TAS2R1: variants seen among roughly 807,000 people sequenced by gnomAD.
TAS2R1 encodes the protein taste receptor type 2 member 1.
For missense variants in TAS2R1, 370 were observed against 353.4 expected, an observed-to-expected ratio of 1.05 and a Z score of -0.38; for synonymous variants, 141 against 134.2, an observed-to-expected ratio of 1.05 and a Z score of -0.35.
At chr5:9,844,240 C>T in the TAS2R1 span, among the ~76,000 whole-genome samples, 10 of 152,086 alleles carry the variant, frequency 6.6e-5, no homozygotes, top group African/African-American at 2.4e-4. Context: ...TAGCCTCTTC[C>T]CAGATTAAAA....
At chr5:9,798,580 C>T in the TAS2R1 span, among the ~76,000 whole-genome samples, 1 of 152,116 alleles carries the variant, frequency 6.6e-6, no homozygotes, top group African/African-American at 2.4e-5. Context: ...ACTCAGTTTC[C>T]CCATCTGTAA....
the TAS2R1 span, among the ~76,000 whole-genome samples, chr5:9,724,987 A>T: frequency 6.6e-6 from 1 of 152,352 alleles, no homozygotes; most frequent in East Asian, 1.9e-4. Flanking sequence ...TTTGAAACAC[A>T]TTGGTGCTGT....
the TAS2R1 span, among the ~76,000 whole-genome samples, chr5:9,747,748 G>C: frequency 6.6e-6 from 1 of 151,604 alleles, no homozygotes; most frequent in Non-Finnish European, 1.5e-5. Flanking sequence ...AAACAAGTGG[G>C]ACACCTCTTT....
the TAS2R1 span, among the ~76,000 whole-genome samples, chr5:9,784,673 C>T: frequency 6.6e-5 from 10 of 152,300 alleles, no homozygotes; most frequent in East Asian, 1.9e-4. Flanking sequence ...TCAGGGTGTC[C>T]GCAGGGCCCC....
rs1459132806 is a variant in TAS2R1, at chr5:9,659,600, G to C, written c.-241-19C>G. ...AGGTCTACTGCAGTATGAGAAACAG[G>C]GGAGGGAAATGTTAGCTATTTAAAG... On this transcript the variant is annotated intron_variant, in intron 1 of 2. Coordinates refer to the TAS2R1 transcript ENST00000506620. The C allele has an allele frequency of 2.0e-5, 3 of 151,448 alleles. No homozygotes were observed. In the Admixed American group the frequency reaches 2.0e-4, roughly 10 times the overall value. 9.4% of individuals were successfully genotyped at this position (151,448 alleles called of 1,614,324 possible). A position where few individuals can be genotyped will look rare whatever the true frequency, so the allele number is the denominator to read the frequency against.
intron 2 of TAS2R1, among the ~76,000 whole-genome samples, chr5:9,646,664 G>A (rs1225410604): frequency 6.6e-6 from 1 of 152,276 alleles, no homozygotes; most frequent in East Asian, 1.9e-4. Context: ...CCTGGGTCTT[G>A]CTGCTGCCTC....
At chr5:9,800,785 T>C in the TAS2R1 span, among the ~76,000 whole-genome samples, 1 of 152,206 alleles carries the variant, frequency 6.6e-6, no homozygotes, top group Non-Finnish European at 1.5e-5. Flanking sequence ...AAAATTCATA[T>C]TTTGAAGCCC....
the TAS2R1 span, among the ~76,000 whole-genome samples, chr5:9,834,271 A>T: frequency 5.9e-5 from 9 of 152,344 alleles, no homozygotes; most frequent in East Asian, 1.7e-3. Flanking sequence ...TTTCCTCAAC[A>T]TCCTGTTTCC....
At chr5:9,708,747 T>C (rs1741673879) in intron 1 of TAS2R1, among the ~76,000 whole-genome samples, 1 of 152,192 alleles carries the variant, frequency 6.6e-6, no homozygotes, top group Admixed American at 6.5e-5. Context: ...AGAAATGCTT[T>C]CCGGAGAAAG....
chr5:9,692,995 C>T (rs184341667), intron 1 of TAS2R1, among the ~76,000 whole-genome samples: 6 of 152,222 alleles, frequency 3.9e-5, no homozygotes, highest in African/African-American at 9.6e-5. Context: ...CTCCTCTCCT[C>T]TCCCATCAGA....
At chr5:9,888,898 T>C in the TAS2R1 span, among the ~76,000 whole-genome samples, 1 of 151,984 alleles carries the variant, frequency 6.6e-6, no homozygotes, top group East Asian at 1.9e-4. Flanking sequence ...GAAGGGAAAT[T>C]AGGTGAATGT....
chr5:9,713,796 TTGG>T (rs1734750343), upstream of TAS2R1: 1 of 152,162 alleles, frequency 6.6e-6, no homozygotes, highest in African/African-American at 2.4e-5. Context: ...ATCTTTCTGG[TTGG>T]TGGTTTATGG....
intron 2 of TAS2R1, among the ~76,000 whole-genome samples, chr5:9,653,393 A>C (rs1740347334): frequency 6.6e-6 from 1 of 152,022 alleles, no homozygotes; most frequent in East Asian, 1.9e-4. Context: ...TATAGACCAC[A>C]TTTTGCTTAT....
At chr5:9,769,097 C>T in the TAS2R1 span, among the ~76,000 whole-genome samples, 4 of 152,194 alleles carry the variant, frequency 2.6e-5, no homozygotes, top group African/African-American at 7.2e-5. Flanking sequence ...CCTCTGGTAA[C>T]AATCATTCTA....
intron 1 of TAS2R1, among the ~76,000 whole-genome samples, chr5:9,693,858 TAGC>T (rs1206614479): frequency 6.6e-6 from 1 of 152,214 alleles, no homozygotes. Flanking sequence ...GGTTGTTACA[TAGC>T]AGTTTAAATA....
chr5:9,752,897 C>T, the TAS2R1 span, among the ~76,000 whole-genome samples: 1 of 152,174 alleles, frequency 6.6e-6, no homozygotes, highest in African/African-American at 2.4e-5. Flanking sequence ...TTCATGGCTG[C>T]ATAGTATTCC....
At chr5:9,861,037 G>GTTTTTTTTTTTTTGTTTTTT in the TAS2R1 span, among the ~76,000 whole-genome samples, 2 of 88,612 alleles carry the variant, frequency 2.3e-5, no homozygotes, top group Non-Finnish European at 4.3e-5. Flanking sequence ...GGAAGATGAG[G>GTTTTTTTTTTTTTGTTTTTT]TTTTTTTTTT....
At chr5:9,660,929 AG>A (rs1313777875) in intron 1 of TAS2R1, among the ~76,000 whole-genome samples, 1 of 152,198 alleles carries the variant, frequency 6.6e-6, no homozygotes, top group Non-Finnish European at 1.5e-5. Context: ...GCAAGCAAAT[AG>A]GGACCTCAGT....
chr5:9,893,850 C>T, the TAS2R1 span, among the ~76,000 whole-genome samples: 1 of 152,168 alleles, frequency 6.6e-6, no homozygotes, highest in Non-Finnish European at 1.5e-5. Context: ...AAAGACTGCT[C>T]AGGTGGTCAA....
Sources: gnomAD v4.1 joint callset for allele counts (sites outside exome capture counted in the v4.1 genomes callset) on GRCh38, gnomAD v4.1.1 for gene constraint, MANE v1.5 for transcripts, NCBI Gene and HGNC (gene_info 2026-07-23, HGNC 2026-07-21) for gene names.